Variants in HOATZ observed in about 807,000 individuals in gnomAD.
HOATZ encodes cilia- and flagella-associated protein HOATZ.
A neutral mutation model predicts 24.9 loss-of-function variants in HOATZ; 26 were observed. That is an observed-to-expected ratio of 1.04 (90% CI 0.76 to 1.45). The LOEUF (loss-of-function observed/expected upper bound fraction) is 1.45. Among genes scored for constraint, HOATZ ranks in the 40% most tolerant of loss-of-function variants. HOATZ has a pLI of 0.00. For missense variants in HOATZ, 226 were observed against 201.5 expected (o/e 1.12, Z -0.74); for synonymous variants, 83 against 76.6 (o/e 1.08, Z -0.43).
intron 5 of HOATZ, chr11:111,536,332 T>G (rs1867450355): frequency 6.3e-6 from 1 of 157,996 alleles, no homozygotes; most frequent in Non-Finnish European, 1.4e-5. Flanking sequence ...CATTCCTCCT[T>G]CAACAGGTCT....
chr11:111,526,519 A>C (rs1160039563), intron 3 of HOATZ: 1 of 152,184 alleles, frequency 6.6e-6, no homozygotes, highest in Non-Finnish European at 1.5e-5. Flanking sequence ...GCAAAGTATC[A>C]AAGATAACTC....
intron 4 of HOATZ, among the ~76,000 whole-genome samples, 175 bp from the exon 5 acceptor site, chr11:111,534,237 C>T (rs1361779986): frequency 6.6e-6 from 1 of 152,062 alleles, no homozygotes; most frequent in Non-Finnish European, 1.5e-5. Context: ...CTGAATAAAC[C>T]CCAAACTCTC....
At chr11:111,524,939 G>A (rs1295010681) in intron 3 of HOATZ, 1 of 433,586 alleles carries the variant, frequency 2.3e-6, no homozygotes, top group Non-Finnish European at 4.6e-6. Context: ...ATGGCTCACT[G>A]CAGCCTCAAC....
In HOATZ at chr11:111,515,009, T is replaced by C. The variant is rs1376058268; in HGVS notation, c.225T>C (p.Ser75=). 1.5e-5 allele frequency: 24 copies of C among 1,610,766 alleles called. No individual in the cohort carries two copies. The highest frequency in any genetic ancestry group is 2.0e-5 in the Non-Finnish European group (24 of 1,178,372). ...CGCGGCCCAGGAGGAGCAGAGGGTC[T>C]GGTGAGTAGAATAGCGGCCTCCTGT... is the stretch of plus-strand genomic sequence containing the variant. The part of the protein sequence containing the change: ...PVARPRRSRG[S]ENSHSSQSFH... Residue 75 remains serine (S), a splice_region_variant and synonymous_variant, in exon 1 of 6, where the codon TCT becomes TCC. Coordinates refer to ENST00000375618, the MANE Select transcript of HOATZ (RefSeq NM_001100388.2).
intron 3 of HOATZ, among the ~76,000 whole-genome samples, chr11:111,516,546 CAA>C (rs111862347): frequency 8.0e-6 from 1 of 124,912 alleles, no homozygotes; most frequent in African/African-American, 2.9e-5. Context: ...TCTAACTCTA[CAA>C]AAAAAAAAAA....
At position 111,514,826 on chromosome 11, in the gene HOATZ, G is replaced by A. The variant is rs1867155895; in HGVS notation, c.42G>A (p.Glu14=). 6.2e-7 allele frequency: 1 copy of A among 1,614,088 alleles called. No homozygotes were observed. Among genetic ancestry groups the A allele is most frequent in the Non-Finnish European group, 8.5e-7 (1 of 1,180,018 alleles). ...GPSEEPSGRK[E]SQEMCPPGLL... ...GCGAAGAACCTAGCGGCCGAAAAGA[G>A]TCCCAGGAAATGTGCCCCCCGGGAT... is the stretch of plus-strand genomic sequence containing the variant. The change falls in exon 1 of 6, where the codon GAG becomes GAA. Residue 14 remains glutamate, a synonymous_variant. Coordinates refer to ENST00000375618, the MANE Select transcript of HOATZ (RefSeq NM_001100388.2).
chr11:111,534,634 T>C lies in HOATZ; in HGVS notation c.452+170T>C, dbSNP rs1259195634. The C allele has an allele frequency of 4.8e-6, 3 of 626,642 alleles. No individual in the cohort carries two copies. The South Asian group carries it at 6.1e-5, about 13-fold the overall frequency. The allele number at this position is 626,642 out of a possible 1,614,324, so 38.8% of individuals were successfully genotyped here. ...TCTTCTCCGCACAGCTATTAAAGCC[T>C]GTGTACGAACTTGTCTGTCTGTGGA... On this transcript the variant is annotated intron_variant, in intron 5 of 5. Transcript: ENST00000375618.
At chr11:111,534,596 C>T (rs2135783013) in intron 5 of HOATZ, 132 bp downstream of exon 5, 1 of 726,570 alleles carries the variant, frequency 1.4e-6, no homozygotes, top group African/African-American at 1.8e-5. Context: ...GATTTCTTGC[C>T]TTGAATAAAC....
intron 3 of HOATZ, chr11:111,526,635 G>A (rs1399925707): frequency 1.3e-5 from 2 of 152,176 alleles, no homozygotes; most frequent in Non-Finnish European, 2.9e-5. Flanking sequence ...GGGGCTACAA[G>A]TTTAGTTTAG....
At chr11:111,532,142 T>C (rs2135781803) in intron 3 of HOATZ, among the ~76,000 whole-genome samples, 1 of 152,296 alleles carries the variant, frequency 6.6e-6, no homozygotes, top group Non-Finnish European at 1.5e-5. Flanking sequence ...TGATCTTCAG[T>C]TCGTTCATCG....
In HOATZ at chr11:111,536,859, T is replaced by G. The variant is rs1867456390; in HGVS notation, c.*32T>G. On this transcript the variant is annotated 3_prime_UTR_variant, in exon 6 of 6. Transcript: ENST00000375618. Reference sequence around the variant, plus strand: ...TGACACATGGCAGAGGATGGCTCACTTATACCTTCACTTTGGAAACAACCT... The same window carrying G: ...TGACACATGGCAGAGGATGGCTCACGTATACCTTCACTTTGGAAACAACCT... The G allele has an allele frequency of 6.4e-7, 1 of 1,574,378 alleles. No homozygotes were observed. Among genetic ancestry groups the G allele is most frequent in the Non-Finnish European group, 8.7e-7 (1 of 1,144,108 alleles).
chr11:111,515,892 GTTTGTA>G, intron 2 of HOATZ, 142 bp from the exon 3 acceptor site: 2 of 583,490 alleles, frequency 3.4e-6, no homozygotes, highest in Admixed American at 3.5e-5. Context: ...TGCAAATCTG[GTTTGTA>G]AAGTTCCAAT....
At chr11:111,520,992 T>A (rs1867262433) in intron 3 of HOATZ, among the ~76,000 whole-genome samples, 1 of 152,224 alleles carries the variant, frequency 6.6e-6, no homozygotes, top group Non-Finnish European at 1.5e-5. Context: ...TATCTAGGAT[T>A]CGGTAGCATC....
At chr11:111,536,494 G>A in intron 5 of HOATZ, 1 of 274,310 alleles carries the variant, frequency 3.6e-6, no homozygotes, top group Non-Finnish European at 6.9e-6. Flanking sequence ...GTAAACCAAA[G>A]AAATCAATTA....
rs536288311 is a variant in HOATZ at position 111,519,210 on chromosome 11, A to C, written c.339+3100A>C. ...TAAGGTATGTGAAGTGCCTGGCCAC[A>C]GTTTACCCTCAACAAATTCACTCTA... On this transcript the variant is annotated intron_variant, in intron 3 of 5. Coordinates refer to ENST00000375618, the MANE Select transcript of HOATZ (RefSeq NM_001100388.2). 29 of 253,772 alleles carry C rather than the reference A, an allele frequency of 1.1e-4. 1 individual carries two copies. In the East Asian group the frequency reaches 1.8e-3, roughly 16 times the overall value. 15.7% of individuals were successfully genotyped at this position (253,772 alleles called of 1,614,324 possible). A position where few individuals can be genotyped will look rare whatever the true frequency, so the allele number is the denominator to read the frequency against.
At chr11:111,529,903 A>G (rs1174284137) in intron 3 of HOATZ, among the ~76,000 whole-genome samples, 3 of 152,142 alleles carry the variant, frequency 2.0e-5, no homozygotes, top group South Asian at 2.1e-4. Flanking sequence ...TATCTTTAAC[A>G]TCTCTCCTTG....
At chr11:111,528,688 C>T (rs968381179) in intron 3 of HOATZ, among the ~76,000 whole-genome samples, 1 of 152,170 alleles carries the variant, frequency 6.6e-6, no homozygotes, top group Middle Eastern at 3.2e-3. Context: ...GATAAGCATG[C>T]GTTTTCTACA....
In HOATZ at chr11:111,536,801, C is replaced by T. The variant is rs2095561166; in HGVS notation, c.484C>T (p.Gln162Ter). ...KVVSESDKED[Q>*]EEVKTLD ...GGTATCAGAGTCAGATAAAGAGGAC[C>T]AAGAAGAAGTCAAAACTTTGGACTA... is the stretch of plus-strand genomic sequence containing the variant. The change falls in exon 6 of 6, where the codon CAA (glutamine) becomes TAA (stop). Residue 162 changes from glutamine (Q) to a stop codon, truncating the protein, a stop_gained. Transcript: ENST00000375618. LOFTEE classifies it high-confidence loss of function. 1 of 1,613,596 alleles carries T rather than the reference C, an allele frequency of 6.2e-7. No individual in the cohort carries two copies. Among genetic ancestry groups the T allele is most frequent in the Non-Finnish European group, 8.5e-7 (1 of 1,179,760 alleles).
intron 3 of HOATZ, among the ~76,000 whole-genome samples, chr11:111,531,491 A>C (rs908603184): frequency 6.6e-6 from 1 of 152,226 alleles, no homozygotes; most frequent in Non-Finnish European, 1.5e-5. Flanking sequence ...TATGAGAGCA[A>C]TTAATACTGA....
Sources: allele counts gnomAD v4.1 joint callset (sites outside exome capture counted in the v4.1 genomes callset), GRCh38; gene constraint gnomAD v4.1.1; transcripts MANE v1.5; gene names NCBI Gene and HGNC (gene_info 2026-07-23, HGNC 2026-07-21).